Variants in AFF3 observed in about 807,000 individuals in gnomAD.
The protein encoded by AFF3 is ALF transcription elongation factor 3, also known as AF4/FMR2 family member 3.
AFF3 carries 32 observed loss-of-function variants against 129.7 expected under a neutral mutation model. That is an observed-to-expected ratio of 0.25 (90% CI 0.19 to 0.33). The LOEUF is 0.33. Among genes scored for constraint, AFF3 ranks in the 10% least tolerant of loss-of-function variants. AFF3 has a pLI of 1.00. For missense variants in AFF3, 1,373 were observed against 1,592.0 expected (o/e 0.86, Z 2.34); for synonymous variants, 644 against 635.4 (o/e 1.01, Z -0.20).
intron 11 of AFF3, among the ~76,000 whole-genome samples, chr2:99,686,405 A>G (rs1207218967): frequency 6.6e-6 from 1 of 152,192 alleles, no homozygotes; most frequent in Non-Finnish European, 1.5e-5. Flanking sequence ...TCATACTCCC[A>G]TGTAGACTAT....
intron 7 of AFF3, among the ~76,000 whole-genome samples, chr2:100,003,076 T>C (rs1367737167): frequency 2.4e-5 from 3 of 122,798 alleles, no homozygotes; most frequent in Non-Finnish European, 3.2e-5. Flanking sequence ...TGCTTAAGCT[T>C]CAGGGTCTCT....
At chr2:99,812,755 CT>C (rs1399643681) in intron 8 of AFF3, among the ~76,000 whole-genome samples, 2 of 152,144 alleles carry the variant, frequency 1.3e-5, no homozygotes, top group African/African-American at 4.8e-5. Context: ...TTTTATTCAG[CT>C]GTTTAAAAGC....
intron 7 of AFF3, among the ~76,000 whole-genome samples, chr2:99,986,311 T>G (rs1679870573): frequency 6.6e-6 from 1 of 151,540 alleles, no homozygotes; most frequent in Non-Finnish European, 1.5e-5. Flanking sequence ...TACTCACCAC[T>G]TTTAGCCACA....
chr2:100,028,112 A>G (rs1684195202), intron 4 of AFF3, among the ~76,000 whole-genome samples: 1 of 152,212 alleles, frequency 6.6e-6, no homozygotes, highest in Non-Finnish European at 1.5e-5. Context: ...AAGTTGAAAC[A>G]GTTTTTTTCA....
Position 100,124,730 on chromosome 2 carries a change from T to G in AFF3, c.-145+4494A>C, listed in dbSNP as rs115126766. Reference sequence around the variant, plus strand: ...CTTAAAAAAATGACTTGGGGAAAATTAATCAAGGGCAACTAATGCAAGAAA... The same window carrying G: ...CTTAAAAAAATGACTTGGGGAAAATGAATCAAGGGCAACTAATGCAAGAAA... On this transcript the variant is annotated intron_variant, in intron 2 of 24. Transcript: ENST00000672756. Among the ~76,000 whole-genome samples, 913 of 152,202 alleles carry G rather than the reference T, an allele frequency of 6.0e-3. 7 individuals are homozygous for G. Among genetic ancestry groups the G allele is most frequent in the African/African-American group, 0.021 (880 of 41,512 alleles).
chr2:99,855,640 T>G (rs1347574105), intron 7 of AFF3, among the ~76,000 whole-genome samples: 1 of 152,000 alleles, frequency 6.6e-6, no homozygotes, highest in Admixed American at 6.6e-5. Flanking sequence ...AATGCCCAAA[T>G]AAATAAATAG....
intron 7 of AFF3, among the ~76,000 whole-genome samples, chr2:100,001,585 C>T (rs1254474370): frequency 6.6e-6 from 1 of 152,160 alleles, no homozygotes; most frequent in Non-Finnish European, 1.5e-5. Flanking sequence ...TGCGCCACCA[C>T]GCCCAGCTAA....
intron 8 of AFF3, among the ~76,000 whole-genome samples, chr2:99,780,161 T>C (rs938671699): frequency 7.9e-5 from 12 of 152,132 alleles, no homozygotes; most frequent in Admixed American, 3.3e-4. Context: ...AGAGCAACTA[T>C]CCCATTTCTC....
chr2:99,672,765 G>A (rs1199744153), intron 11 of AFF3, among the ~76,000 whole-genome samples, 176 bp from the exon 12 acceptor site: 1 of 151,942 alleles, frequency 6.6e-6, no homozygotes, highest in South Asian at 2.1e-4. Flanking sequence ...GTGCACTTAG[G>A]AAATAGTAGA....
At chr2:99,585,473 C>T (rs758591854) in intron 16 of AFF3, among the ~76,000 whole-genome samples, 14 of 152,178 alleles carry the variant, frequency 9.2e-5, no homozygotes, top group Admixed American at 1.3e-4. Flanking sequence ...TGCATTGTGT[C>T]ACCACTTAAC....
In AFF3 at chr2:99,593,179, T is replaced by G. The variant is rs780107501; in HGVS notation, c.2466+16A>C. ...TCCCCTCCACGCCCCCGCACCCCAG[T>G]CAGCCCCAGGCCTACCTTGCGTTTC... On this transcript the variant is annotated intron_variant, in intron 15 of 24. Transcript: ENST00000672756. 1.1e-5 allele frequency: 17 copies of G among 1,548,530 alleles called. No homozygotes were observed. In the African/African-American group the frequency reaches 2.2e-4, roughly 20 times the overall value.
At chr2:99,804,276 G>A (rs1686175077) in intron 8 of AFF3, among the ~76,000 whole-genome samples, 1 of 152,060 alleles carries the variant, frequency 6.6e-6, no homozygotes, top group African/African-American at 2.4e-5. Flanking sequence ...ATAGGCAAAT[G>A]ACATGAATAG....
At chr2:100,105,407 A>C in intron 3 of AFF3, 97 bp downstream of exon 3, 5 of 1,308,304 alleles carry the variant, frequency 3.8e-6, no homozygotes, top group Non-Finnish European at 5.0e-6. Context: ...TTCCACCCGG[A>C]CCTGCTCTCC....
intron 7 of AFF3, among the ~76,000 whole-genome samples, chr2:99,982,324 T>C (rs1015666675): frequency 2.0e-5 from 3 of 152,162 alleles, no homozygotes; most frequent in South Asian, 2.1e-4. Context: ...AAATGGGAGA[T>C]TCCCTGCACA....
chr2:100,126,865 T>A (rs1692214967), intron 2 of AFF3, among the ~76,000 whole-genome samples: 1 of 152,214 alleles, frequency 6.6e-6, no homozygotes, highest in Non-Finnish European at 1.5e-5. Context: ...TTTATTTAAG[T>A]TCTTTCAAAA....
chr2:100,125,846 C>T (rs1361643516), intron 2 of AFF3, among the ~76,000 whole-genome samples: 1 of 152,002 alleles, frequency 6.6e-6, no homozygotes, highest in African/African-American at 2.4e-5. Flanking sequence ...GGGTGACAGG[C>T]TCCGCGTGAG....
At position 99,892,112 on chromosome 2, in the gene AFF3, A is replaced by G. The variant is rs186209106; in HGVS notation, c.874-54588T>C. Among the ~76,000 whole-genome samples, 341 of 152,156 alleles carry G rather than the reference A, an allele frequency of 2.2e-3. 1 individual carries two copies. Among genetic ancestry groups the G allele is most frequent in the Admixed American group, 2.4e-3 (37 of 15,292 alleles). ...GCTGGGATTACAGGCATGAGCCACC[A>G]CACCCGGCCAAAGCCCACCAGCTTT... On this transcript the variant is annotated intron_variant, in intron 7 of 24. Coordinates refer to ENST00000672756, the MANE Select transcript of AFF3 (RefSeq NM_001386135.1).
intron 7 of AFF3, among the ~76,000 whole-genome samples, chr2:99,880,875 A>G (rs1692658474): frequency 6.6e-6 from 1 of 152,214 alleles, no homozygotes. Context: ...TAATGTACTT[A>G]TGCATAAGGG....
chr2:99,896,138 T>C (rs1008883686), intron 7 of AFF3, among the ~76,000 whole-genome samples: 11 of 149,780 alleles, frequency 7.3e-5, no homozygotes, highest in Non-Finnish European at 1.3e-4. Flanking sequence ...ATGGAGAAAC[T>C]GGCAATATAA....
Sources: allele counts gnomAD v4.1 joint callset (sites outside exome capture counted in the v4.1 genomes callset), GRCh38; gene constraint gnomAD v4.1.1; transcripts MANE v1.5; gene names NCBI Gene and HGNC (gene_info 2026-07-23, HGNC 2026-07-21).